IL1RAPL1: variants seen among roughly 807,000 people sequenced by gnomAD.
The protein encoded by IL1RAPL1 is interleukin-1 receptor accessory protein-like 1.
In IL1RAPL1, 3 loss-of-function variants were observed where a neutral mutation model predicts 48.4. The ratio of observed to expected loss-of-function variants is 0.06; its 90% CI spans 0.03 to 0.16. IL1RAPL1 has a LOEUF of 0.16. Ranked by LOEUF, IL1RAPL1 falls within the 10% of genes least tolerant of loss-of-function variation. The probability of loss-of-function intolerance (pLI) is 1.00; values close to 1 mark genes in which losing one functional copy is unlikely to be tolerated. For missense variants in IL1RAPL1, 349 were observed against 530.6 expected (o/e 0.66, Z 3.36); for synonymous variants, 185 against 187.7 (o/e 0.99, Z 0.12).
chrX:29,070,277 A>G (rs1927538410), intron 2 of IL1RAPL1, among the ~76,000 whole-genome samples: 1 of 111,744 alleles, frequency 8.9e-6, no homozygotes, highest in Non-Finnish European at 1.9e-5. Flanking sequence ...AACTGAGTAG[A>G]TTCTATTCGC....
At chrX:28,911,149 T>G (rs191166980) in intron 2 of IL1RAPL1, among the ~76,000 whole-genome samples, 1 of 112,041 alleles carries the variant, frequency 8.9e-6, no homozygotes, top group African/African-American at 3.2e-5. Context: ...ATCATTAATA[T>G]TTCCACTATA....
At chrX:29,720,944 T>G (rs146930527) in intron 6 of IL1RAPL1, among the ~76,000 whole-genome samples, 164 of 112,189 alleles carry the variant, frequency 1.5e-3, no homozygotes, top group African/African-American at 5.1e-3. Context: ...TTTCCCATGA[T>G]TCTCCTATGA....
intron 6 of IL1RAPL1, among the ~76,000 whole-genome samples, chrX:29,740,014 C>T (rs761615016): frequency 1.8e-4 from 19 of 107,170 alleles, no homozygotes; most frequent in African/African-American, 5.1e-4. Flanking sequence ...AAGCCGAGAT[C>T]GCGCCATTAC....
intron 1 of IL1RAPL1, among the ~76,000 whole-genome samples, chrX:28,706,377 C>T (rs756976566): frequency 1.8e-5 from 2 of 110,842 alleles, no homozygotes; most frequent in African/African-American, 3.3e-5. Context: ...TGTCTAAGGA[C>T]ATACATTTCT....
chrX:29,656,161 CT>C (rs1403229309), intron 5 of IL1RAPL1, among the ~76,000 whole-genome samples: 1 of 112,710 alleles, frequency 8.9e-6, no homozygotes, highest in Non-Finnish European at 1.9e-5. Flanking sequence ...AGGCTAACTT[CT>C]TTTTGTAAAT....
At chrX:29,138,908 A>C (rs1929189304) in intron 2 of IL1RAPL1, among the ~76,000 whole-genome samples, 1 of 112,073 alleles carries the variant, frequency 8.9e-6, no homozygotes, top group South Asian at 3.7e-4. Flanking sequence ...TGAAGGATAT[A>C]TTGAATAATA....
chrX:28,823,089 C>T (rs748422127), intron 2 of IL1RAPL1, among the ~76,000 whole-genome samples: 50 of 111,656 alleles, frequency 4.5e-4, no homozygotes, highest in African/African-American at 6.5e-5. Flanking sequence ...CAACCCATCT[C>T]ATAATACCTC....
intron 2 of IL1RAPL1, among the ~76,000 whole-genome samples, chrX:28,849,443 C>T (rs775689562): frequency 9.0e-6 from 1 of 111,682 alleles, no homozygotes; most frequent in Non-Finnish European, 1.9e-5. Context: ...TGTTCTTCTT[C>T]CTAGAAAATC....
intron 6 of IL1RAPL1, among the ~76,000 whole-genome samples, chrX:29,842,760 C>T: frequency 8.9e-6 from 1 of 112,227 alleles, no homozygotes; most frequent in Admixed American, 9.4e-5. Context: ...GCAACGGAGA[C>T]TTCAGTTTCC....
At chrX:29,886,715 A>G (rs1489401070) in intron 6 of IL1RAPL1, among the ~76,000 whole-genome samples, 1 of 112,212 alleles carries the variant, frequency 8.9e-6, no homozygotes, top group Non-Finnish European at 1.9e-5. Flanking sequence ...CATTCACAGA[A>G]TACAATTTAG....
intron 6 of IL1RAPL1, among the ~76,000 whole-genome samples, chrX:29,760,250 G>A (rs774567688): frequency 9.0e-6 from 1 of 111,294 alleles, no homozygotes; most frequent in South Asian, 3.8e-4. Context: ...TATGCATCCA[G>A]GGCTGAGAAC....
At chrX:28,777,396 C>T (rs948561634) in intron 1 of IL1RAPL1, among the ~76,000 whole-genome samples, 2 of 111,799 alleles carry the variant, frequency 1.8e-5, no homozygotes, top group Non-Finnish European at 3.8e-5. Flanking sequence ...GTAACATGTT[C>T]ATAAGTTCTG....
At chrX:29,506,924 T>C (rs1204982902) in intron 5 of IL1RAPL1, among the ~76,000 whole-genome samples, 1 of 110,900 alleles carries the variant, frequency 9.0e-6, no homozygotes, top group Non-Finnish European at 1.9e-5. Flanking sequence ...TTCACTAGTT[T>C]GGAAACCATG....
intron 2 of IL1RAPL1, among the ~76,000 whole-genome samples, chrX:29,179,558 G>T (rs969754376): frequency 2.7e-5 from 3 of 111,366 alleles, no homozygotes; most frequent in Admixed American, 9.6e-5. Flanking sequence ...TAAATTAAAT[G>T]TTAGGGGATG....
At chrX:29,315,011 GA>G (rs1343079716) in intron 3 of IL1RAPL1, among the ~76,000 whole-genome samples, 1 of 111,806 alleles carries the variant, frequency 8.9e-6, no homozygotes, top group Non-Finnish European at 1.9e-5. Flanking sequence ...GGGGATGTAG[GA>G]AAGTCTAAAA....
intron 5 of IL1RAPL1, among the ~76,000 whole-genome samples, chrX:29,655,997 A>G (rs749094366): frequency 5.3e-5 from 6 of 112,441 alleles, no homozygotes; most frequent in Non-Finnish European, 9.4e-5. Flanking sequence ...CTAGCCAACA[A>G]CACATCTACT....
intron 3 of IL1RAPL1, among the ~76,000 whole-genome samples, chrX:29,392,340 T>C (rs762825012): frequency 4.5e-5 from 5 of 112,177 alleles, no homozygotes; most frequent in Admixed American, 1.9e-4. Context: ...CAGAGAACCA[T>C]AGCAGTTATG....
chrX:29,405,213 G>A (rs1030862674), intron 5 of IL1RAPL1, among the ~76,000 whole-genome samples: 47 of 106,962 alleles, frequency 4.4e-4, no homozygotes, highest in Non-Finnish European at 6.8e-4. Flanking sequence ...CGCCCAGTCT[G>A]GATGTAGAAT....
rs1354763979 is a variant in IL1RAPL1, at chrX:28,960,628, T to G, written c.82+171203T>G. On this transcript the variant is annotated intron_variant, in intron 2 of 10. Transcript: ENST00000378993. ...TCCTTATATTGAAGCGGTTGAAAAT[T>G]TGCTACACATTGCTAGAGTTCTCCA... Among the ~76,000 whole-genome samples the G allele has an allele frequency of 6.3e-5, 7 of 111,703 alleles. No individual in the cohort carries two copies. In the Admixed American group the frequency reaches 6.7e-4, roughly 11 times the overall value.
Sources: allele counts gnomAD v4.1 joint callset (sites outside exome capture counted in the v4.1 genomes callset), GRCh38; gene constraint gnomAD v4.1.1; transcripts MANE v1.5; gene names NCBI Gene and HGNC (gene_info 2026-07-23, HGNC 2026-07-21).